DCC: variants seen among roughly 807,000 people sequenced by gnomAD.
The protein encoded by DCC is netrin receptor DCC.
In DCC, 58 loss-of-function variants were observed where a neutral mutation model predicts 172.5. The ratio of observed to expected loss-of-function variants is 0.34; its 90% CI spans 0.27 to 0.42. The LOEUF (loss-of-function observed/expected upper bound fraction) is 0.42. Among genes scored for constraint, DCC ranks in the 10% least tolerant of loss-of-function variants. The pLI, the probability that DCC is intolerant of heterozygous loss-of-function variation, is 1.00. For missense variants in DCC, 1,740 were observed against 1,791.0 expected, an observed-to-expected ratio of 0.97 and a Z score of 0.51; for synonymous variants, 709 against 644.5, an observed-to-expected ratio of 1.10 and a Z score of -1.52.
At chr18:53,139,279 G>T (rs2043795002) in intron 7 of DCC, among the ~76,000 whole-genome samples, 1 of 152,142 alleles carries the variant, frequency 6.6e-6, no homozygotes, top group Non-Finnish European at 1.5e-5. Flanking sequence ...AGCAGAATGT[G>T]CTATTTATAA....
intron 1 of DCC, among the ~76,000 whole-genome samples, chr18:52,401,000 A>G (rs774684271): frequency 6.6e-5 from 10 of 152,032 alleles, no homozygotes; most frequent in Admixed American, 4.6e-4. Context: ...GTAGATGATG[A>G]GTTGATGGGT....
At chr18:52,650,329 C>G (rs2035106836) in intron 1 of DCC, among the ~76,000 whole-genome samples, 1 of 151,998 alleles carries the variant, frequency 6.6e-6, no homozygotes, top group Non-Finnish European at 1.5e-5. Context: ...ATGGAATAGG[C>G]ACTGGAGACT....
At chr18:53,420,683 C>A (rs963517761) in intron 21 of DCC, among the ~76,000 whole-genome samples, 1 of 152,080 alleles carries the variant, frequency 6.6e-6, no homozygotes, top group African/African-American at 2.4e-5. Flanking sequence ...TGGGGCCCTA[C>A]CCTATGATTT....
chr18:52,435,897 A>G (rs1039325017), intron 1 of DCC, among the ~76,000 whole-genome samples: 12 of 152,126 alleles, frequency 7.9e-5, no homozygotes, highest in Admixed American at 6.5e-4. Flanking sequence ...CCCATCTCCA[A>G]TCAAATATAC....
In DCC at chr18:53,167,579, T is replaced by G. The variant is rs1485990410; in HGVS notation, c.1418+10067T>G. ...GTGGAGATTTTATGTAATTATTCTC[T>G]TTTAATTTCACATTTATTTATGCAT... On this transcript the variant is annotated intron_variant, in intron 8 of 28. Transcript: ENST00000442544. Among the ~76,000 whole-genome samples, 8 of 152,326 alleles carry G rather than the reference T, an allele frequency of 5.3e-5. No individual in the cohort carries two copies. The South Asian group carries it at 1.4e-3, about 28-fold the overall frequency.
chr18:53,014,415 A>C (rs1356722173), intron 5 of DCC, among the ~76,000 whole-genome samples: 1 of 114,740 alleles, frequency 8.7e-6, no homozygotes, highest in Non-Finnish European at 1.9e-5. Context: ...TATATCTCCT[A>C]ATGTTATCCC....
At chr18:53,107,220 T>A (rs1017158193) in intron 7 of DCC, among the ~76,000 whole-genome samples, 14 of 151,696 alleles carry the variant, frequency 9.2e-5, no homozygotes, top group Non-Finnish European at 1.9e-4. Flanking sequence ...GAAGAAAAAG[T>A]CTAAGATTGA....
chr18:52,576,448 G>T, intron 1 of DCC, among the ~76,000 whole-genome samples: 1 of 152,208 alleles, frequency 6.6e-6, no homozygotes, highest in East Asian at 1.9e-4. Context: ...ATTCTGATCA[G>T]AAACTGGAAT....
intron 12 of DCC, among the ~76,000 whole-genome samples, chr18:53,271,190 G>C (rs534625447): frequency 6.6e-6 from 1 of 152,136 alleles, no homozygotes; most frequent in African/African-American, 2.4e-5. Context: ...CTACAATCTA[G>C]AAAAGTGCTA....
intron 1 of DCC, among the ~76,000 whole-genome samples, chr18:52,654,742 A>G (rs2144932052): frequency 6.6e-6 from 1 of 152,280 alleles, no homozygotes; most frequent in African/African-American, 2.4e-5. Context: ...GGGGGGATAT[A>G]CAACTAAAGC....
chr18:53,043,066 C>A (rs1341428295), intron 5 of DCC, among the ~76,000 whole-genome samples: 1 of 151,820 alleles, frequency 6.6e-6, no homozygotes, highest in African/African-American at 2.4e-5. Flanking sequence ...TGGAACCAAC[C>A]CAAATGTCCA....
chr18:53,496,876 A>C (rs1368906314), intron 26 of DCC, among the ~76,000 whole-genome samples: 1 of 152,196 alleles, frequency 6.6e-6, no homozygotes, highest in Non-Finnish European at 1.5e-5. Flanking sequence ...GGTTGAAAGT[A>C]TAATGTAGAT....
At chr18:52,922,404 C>A (rs1413689861) in intron 3 of DCC, among the ~76,000 whole-genome samples, 1 of 152,102 alleles carries the variant, frequency 6.6e-6, no homozygotes, top group East Asian at 1.9e-4. Context: ...CCTATGTCCC[C>A]TCCCACTTTA....
intron 5 of DCC, among the ~76,000 whole-genome samples, chr18:52,974,019 T>C (rs975544719): frequency 2.0e-5 from 3 of 152,158 alleles, no homozygotes; most frequent in African/African-American, 7.2e-5. Flanking sequence ...GTACAGAAGA[T>C]AGATAAAAAT....
intron 1 of DCC, among the ~76,000 whole-genome samples, chr18:52,707,678 C>A (rs986300752): frequency 4.6e-5 from 7 of 152,100 alleles, no homozygotes; most frequent in Non-Finnish European, 8.8e-5. Flanking sequence ...ATGATTCAAC[C>A]TTTAAAAATA....
chr18:52,879,980 G>A (rs1005831921), intron 2 of DCC, among the ~76,000 whole-genome samples: 2 of 152,028 alleles, frequency 1.3e-5, no homozygotes, highest in Non-Finnish European at 2.9e-5. Context: ...ATTATGTCAT[G>A]GAAAATGGGA....
chr18:52,929,734 A>C (rs2145499473), intron 5 of DCC, among the ~76,000 whole-genome samples: 1 of 152,108 alleles, frequency 6.6e-6, no homozygotes, highest in Non-Finnish European at 1.5e-5. Context: ...ATGGTTTAAA[A>C]ATGAGATAAA....
chr18:53,378,170 G>A (rs1419499666), intron 15 of DCC, among the ~76,000 whole-genome samples: 1 of 151,808 alleles, frequency 6.6e-6, no homozygotes, highest in African/African-American at 2.4e-5. Flanking sequence ...CCTGTTGGTC[G>A]GGCTGGTCTC....
At chr18:53,203,201 TTG>T (rs66474118) in intron 9 of DCC, among the ~76,000 whole-genome samples, 42,809 of 124,914 alleles carry the variant, frequency 0.34, 7,552 homozygotes, top group East Asian at 0.58. Flanking sequence ...ATAGATTCTC[TTG>T]TGTGTGTGTG....
Sources: gnomAD v4.1 joint callset for allele counts (sites outside exome capture counted in the v4.1 genomes callset) on GRCh38, gnomAD v4.1.1 for gene constraint, MANE v1.5 for transcripts, NCBI Gene and HGNC (gene_info 2026-07-23, HGNC 2026-07-21) for gene names.